LPP: variants seen among roughly 807,000 people sequenced by gnomAD.
The protein encoded by LPP is LIM domain containing preferred translocation partner in lipoma.
LPP carries 38 observed loss-of-function variants against 60.4 expected under a neutral mutation model. That is an observed-to-expected ratio of 0.63 (90% CI 0.49 to 0.83). LPP has a LOEUF of 0.83. LPP is among the 40% of genes least tolerant of loss of function. The pLI is 0.00. For synonymous variants in LPP, 328 were observed against 290.8 expected, an observed-to-expected ratio of 1.13 and a Z score of -1.30; for missense variants, 902 against 783.6, an observed-to-expected ratio of 1.15 and a Z score of -1.80.
intron 9 of LPP, among the ~76,000 whole-genome samples, chr3:188,781,961 C>T (rs1415310595): frequency 4.6e-5 from 7 of 151,660 alleles, no homozygotes; most frequent in Non-Finnish European, 7.4e-5. Flanking sequence ...TTCTACTTCA[C>T]GTGGGGATTA....
chr3:188,223,149 A>G (rs1716434510), intron 1 of LPP, among the ~76,000 whole-genome samples: 1 of 152,172 alleles, frequency 6.6e-6, no homozygotes, highest in Non-Finnish European at 1.5e-5. Flanking sequence ...GGTGATTCCT[A>G]AGATTTAAAA....
At chr3:188,194,229 T>C (rs1728926272) in intron 1 of LPP, among the ~76,000 whole-genome samples, 1 of 152,244 alleles carries the variant, frequency 6.6e-6, no homozygotes, top group South Asian at 2.1e-4. Flanking sequence ...ATCATCTTAA[T>C]TTTTTCCTCT....
chr3:188,515,132 G>GTT (rs1338964528), intron 5 of LPP, among the ~76,000 whole-genome samples: 1 of 152,082 alleles, frequency 6.6e-6, no homozygotes, highest in Non-Finnish European at 1.5e-5. Context: ...ATGTCAGAAT[G>GTT]TGATCTCCAG....
intron 7 of LPP, among the ~76,000 whole-genome samples, chr3:188,636,535 G>C (rs1330156941): frequency 6.6e-6 from 1 of 152,174 alleles, no homozygotes; most frequent in African/African-American, 2.4e-5. Flanking sequence ...CAGGAAGCTC[G>C]AACTGGGGGG....
intron 6 of LPP, chr3:188,584,595 CTT>C (rs1328265489): frequency 6.8e-6 from 1 of 147,888 alleles, no homozygotes; most frequent in Non-Finnish European, 1.5e-5. Context: ...TTGGCCATGA[CTT>C]AATACAATCT....
At chr3:188,692,710 C>A (rs1405131152) in intron 7 of LPP, among the ~76,000 whole-genome samples, 1 of 152,204 alleles carries the variant, frequency 6.6e-6, no homozygotes, top group Non-Finnish European at 1.5e-5. Flanking sequence ...TTACTAGGCA[C>A]TCAGCAAGTG....
At position 188,882,880 on chromosome 3, in the gene LPP, A is replaced by G. The variant is rs1035766441; in HGVS notation, c.*8401A>G. On this transcript the variant is annotated 3_prime_UTR_variant, in exon 12 of 12. Coordinates refer to ENST00000617246, the MANE Select transcript of LPP (RefSeq NM_001375462.1). ...CAGCCTCCCGAGTAGCTGGGACTAC[A>G]GACGCCCGCCACCGCGCCCAGCTAA... 5.0e-5 allele frequency: 9 copies of G among 181,360 alleles called. No individual in the cohort carries two copies. Among genetic ancestry groups the G allele is most frequent in the Admixed American group, 4.4e-4 (7 of 15,922 alleles). 11.2% of individuals were successfully genotyped at this position (181,360 alleles called of 1,614,324 possible).
At chr3:188,818,089 G>A (rs1361718551) in intron 9 of LPP, among the ~76,000 whole-genome samples, 2 of 152,058 alleles carry the variant, frequency 1.3e-5, no homozygotes, top group East Asian at 1.9e-4. Flanking sequence ...TAGAAGTAAC[G>A]GGTGCATATC....
Position 188,687,980 on chromosome 3 carries a change from T to C in LPP, c.1114-20287T>C, listed in dbSNP as rs575412682. Among the ~76,000 whole-genome samples the C allele has an allele frequency of 5.9e-5, 9 of 152,200 alleles. No homozygotes were observed. In the South Asian group the frequency reaches 1.9e-3, roughly 32 times the overall value. On this transcript the variant is annotated intron_variant, in intron 7 of 11. Coordinates refer to ENST00000617246, the MANE Select transcript of LPP (RefSeq NM_001375462.1). ...TTAGTAGAGACGGGGTTTCACCACGTTATCTTATTCTTAACAGTGTCTGAG... is the reference window on the plus strand; with the variant it reads ...TTAGTAGAGACGGGGTTTCACCACGCTATCTTATTCTTAACAGTGTCTGAG...
intron 9 of LPP, among the ~76,000 whole-genome samples, chr3:188,786,962 G>T (rs1170798957): frequency 2.0e-5 from 3 of 152,190 alleles, no homozygotes; most frequent in Non-Finnish European, 4.4e-5. Context: ...GGGGGTTTGG[G>T]GTAGCTGTGG....
chr3:188,857,501 C>T (rs770384661), intron 9 of LPP, among the ~76,000 whole-genome samples: 27 of 152,288 alleles, frequency 1.8e-4, no homozygotes, highest in African/African-American at 4.6e-4. Context: ...GGAGATTAGA[C>T]GGGCTCCTGT....
rs187553842 is a variant in LPP at position 188,349,652 on chromosome 3, A to T, written c.-10+7933A>T. Among the ~76,000 whole-genome samples, 24 of 152,280 alleles carry T rather than the reference A, an allele frequency of 1.6e-4. 1 individual carries two copies. The highest frequency in any genetic ancestry group is 5.5e-4 in the African/African-American group (23 of 41,542). On this transcript the variant is annotated intron_variant, in intron 3 of 11. Transcript: ENST00000617246. ...AGCTTCTGTGGCTCTTTCTTTCCAG[A>T]TGCCTCCTATCCTCTGCAATAGGTT...
chr3:188,567,491 T>G (rs995689388), intron 6 of LPP, among the ~76,000 whole-genome samples: 1 of 151,550 alleles, frequency 6.6e-6, no homozygotes, highest in Admixed American at 6.6e-5. Flanking sequence ...AGTAGGTTAG[T>G]AGGGAAAAAA....
At chr3:188,554,916 T>C (rs542375796) in intron 6 of LPP, among the ~76,000 whole-genome samples, 1 of 152,270 alleles carries the variant, frequency 6.6e-6, no homozygotes, top group African/African-American at 2.4e-5. Flanking sequence ...TTTATATTAC[T>C]GTGGGAGAGG....
chr3:188,359,026 T>A (rs1464054468), intron 3 of LPP, among the ~76,000 whole-genome samples: 1 of 152,154 alleles, frequency 6.6e-6, no homozygotes, highest in African/African-American at 2.4e-5. Flanking sequence ...ACTGTAGACC[T>A]GGTTTGTTGT....
intron 9 of LPP, among the ~76,000 whole-genome samples, chr3:188,826,499 T>C (rs1755536436): frequency 6.6e-6 from 1 of 152,358 alleles, no homozygotes; most frequent in South Asian, 2.1e-4. Flanking sequence ...AACTATCAAA[T>C]GATATCTAGA....
At chr3:188,705,182 A>G (rs1193766146) in intron 7 of LPP, among the ~76,000 whole-genome samples, 4 of 152,234 alleles carry the variant, frequency 2.6e-5, no homozygotes, top group Non-Finnish European at 5.9e-5. Flanking sequence ...AAGTCCCCTA[A>G]GATTCCACCT....
At chr3:188,159,209 A>G (rs1330851823) in intron 1 of LPP, among the ~76,000 whole-genome samples, 1 of 152,178 alleles carries the variant, frequency 6.6e-6, no homozygotes, top group Non-Finnish European at 1.5e-5. Flanking sequence ...ACGGTGCTAT[A>G]TGTTCTCTGG....
chr3:188,349,532 G>A (rs1765280558), intron 3 of LPP, among the ~76,000 whole-genome samples: 1 of 152,156 alleles, frequency 6.6e-6, no homozygotes, highest in Non-Finnish European at 1.5e-5. Context: ...GTTGCCTCTG[G>A]AGTTACACAG....
Sources: allele counts gnomAD v4.1 joint callset (sites outside exome capture counted in the v4.1 genomes callset), GRCh38; gene constraint gnomAD v4.1.1; transcripts MANE v1.5; gene names NCBI Gene and HGNC (gene_info 2026-07-23, HGNC 2026-07-21).